Variants in SNCAIP observed in about 807,000 individuals in gnomAD.
The protein encoded by SNCAIP is synuclein alpha interacting protein.
SNCAIP carries 43 observed loss-of-function variants against 86.7 expected under a neutral mutation model. The ratio of observed to expected loss-of-function variants is 0.50; its 90% CI spans 0.39 to 0.64. The LOEUF (loss-of-function observed/expected upper bound fraction) is 0.64. Among genes scored for constraint, SNCAIP ranks in the 30% least tolerant of loss-of-function variants. The pLI is 0.00. For synonymous variants in SNCAIP, 417 were observed against 427.2 expected (o/e 0.98, Z 0.29); for missense variants, 981 against 1,103.1 (o/e 0.89, Z 1.57).
At chr5:122,369,744 T>G (rs1406441876) in intron 1 of SNCAIP, 9 of 152,178 alleles carry the variant, frequency 5.9e-5, no homozygotes, top group Admixed American at 5.9e-4. Context: ...CAGTCTTGCT[T>G]TCTGGACCTT....
At chr5:122,342,273 G>A (rs1477983095) in intron 1 of SNCAIP, among the ~76,000 whole-genome samples, 1 of 152,086 alleles carries the variant, frequency 6.6e-6, no homozygotes, top group Non-Finnish European at 1.5e-5. Flanking sequence ...GGACTGAGCT[G>A]AGCAGTTTGG....
At chr5:122,347,942 G>A (rs1292446421) in intron 1 of SNCAIP, among the ~76,000 whole-genome samples, 3 of 151,262 alleles carry the variant, frequency 2.0e-5, no homozygotes, top group African/African-American at 4.9e-5. Context: ...CCATTTTTTT[G>A]TTGGCCTTTG....
chr5:122,453,698 T>A (rs566173216), intron 10 of SNCAIP, among the ~76,000 whole-genome samples: 1 of 152,264 alleles, frequency 6.6e-6, no homozygotes, highest in Non-Finnish European at 1.5e-5. Context: ...GAAACCAGTA[T>A]GCCTTAATTG....
At chr5:122,369,894 T>C (rs925029327) in intron 1 of SNCAIP, 1 of 152,186 alleles carries the variant, frequency 6.6e-6, no homozygotes, top group African/African-American at 2.4e-5. Flanking sequence ...CAGCTGCACT[T>C]TTCCTTTTCT....
At chr5:122,374,027 C>T (rs1050588669) in intron 1 of SNCAIP, among the ~76,000 whole-genome samples, 22 of 152,232 alleles carry the variant, frequency 1.4e-4, no homozygotes, top group African/African-American at 5.3e-4. Context: ...ATGGATTGCC[C>T]AGTTGTCTTT....
Position 122,451,498 on chromosome 5 carries a change from C to A in SNCAIP, c.2651C>A (p.Ala884Asp). 6.2e-7 allele frequency: 1 copy of A among 1,613,778 alleles called. No individual in the cohort carries two copies. The highest frequency in any genetic ancestry group is 8.5e-7 in the Non-Finnish European group (1 of 1,179,958). ...AACAATAATAATAACTACCAGGCAG[C>A]CAACCAGCTGAAAACCTCTACATTG... ...NQNNNNNYQA[A>D]NQLKTSTLPL... is the part of the protein sequence containing the mutation. The change falls in exon 10 of 11, where the codon GCC (alanine) becomes GAC (aspartate). Residue 884 changes from alanine to aspartate, a missense_variant. Coordinates refer to ENST00000261368, the MANE Select transcript of SNCAIP (RefSeq NM_005460.4).
At chr5:122,434,826 T>C (rs540649569) in intron 6 of SNCAIP, among the ~76,000 whole-genome samples, 1 of 152,218 alleles carries the variant, frequency 6.6e-6, no homozygotes, top group East Asian at 1.9e-4. Flanking sequence ...ATTGAACGGT[T>C]TTCTAATGGA....
At chr5:122,451,704 GAAA>G (rs11397630) in intron 10 of SNCAIP, 103 bp downstream of exon 10, 1 of 698,554 alleles carries the variant, frequency 1.4e-6, no homozygotes, top group South Asian at 2.0e-5. Flanking sequence ...GAATCCCCAG[GAAA>G]AAAAAAAATC....
intron 1 of SNCAIP, among the ~76,000 whole-genome samples, chr5:122,383,256 T>A (rs2152821861): frequency 6.6e-6 from 1 of 152,380 alleles, no homozygotes; most frequent in East Asian, 1.9e-4. Context: ...CGCCGTTTTT[T>A]AAGCTGGTCC....
At chr5:122,411,889 A>G (rs796304356) in intron 3 of SNCAIP, among the ~76,000 whole-genome samples, 17 of 152,316 alleles carry the variant, frequency 1.1e-4, no homozygotes, top group African/African-American at 4.1e-4. Flanking sequence ...TTAGTGAGGC[A>G]CAGTGATCTT....
chr5:122,448,337 T>C (rs541638071), intron 8 of SNCAIP, among the ~76,000 whole-genome samples: 16 of 151,960 alleles, frequency 1.1e-4, no homozygotes, highest in African/African-American at 3.9e-4. Context: ...AAATTTATCT[T>C]ACAGTTCTGT....
chr5:122,409,391 CATT>C (rs1773666288), intron 3 of SNCAIP, among the ~76,000 whole-genome samples: 1 of 152,188 alleles, frequency 6.6e-6, no homozygotes. Context: ...CTGCTAAACT[CATT>C]GTATAATTTT....
At chr5:122,460,980 T>G (rs558553807) in intron 10 of SNCAIP, among the ~76,000 whole-genome samples, 5 of 152,320 alleles carry the variant, frequency 3.3e-5, no homozygotes, top group African/African-American at 1.2e-4. Flanking sequence ...AGACTCTGTT[T>G]CCTGAACCTG....
chr5:122,386,868 A>C (rs1298647329), intron 1 of SNCAIP, among the ~76,000 whole-genome samples: 1 of 152,182 alleles, frequency 6.6e-6, no homozygotes, highest in African/African-American at 2.4e-5. Context: ...TAAATAAATA[A>C]CAAATCAAGA....
intron 1 of SNCAIP, among the ~76,000 whole-genome samples, chr5:122,368,081 T>C (rs966942446): frequency 2.0e-5 from 3 of 152,136 alleles, no homozygotes; most frequent in Non-Finnish European, 4.4e-5. Flanking sequence ...GACTTTGCCA[T>C]TGCAATTAAC....
intron 1 of SNCAIP, among the ~76,000 whole-genome samples, chr5:122,323,931 T>A (rs925987765): frequency 6.6e-6 from 1 of 152,226 alleles, no homozygotes; most frequent in Admixed American, 6.5e-5. Flanking sequence ...CAACCGTTTT[T>A]AAAAATGCAA....
chr5:122,421,386 G>A (rs1418373598), intron 3 of SNCAIP, among the ~76,000 whole-genome samples: 2 of 152,160 alleles, frequency 1.3e-5, no homozygotes, highest in Non-Finnish European at 2.9e-5. Context: ...CTTGGTTCCA[G>A]AACTTCTCTG....
At chr5:122,338,270 A>G (rs1238427342) in intron 1 of SNCAIP, among the ~76,000 whole-genome samples, 3 of 152,312 alleles carry the variant, frequency 2.0e-5, no homozygotes, top group East Asian at 1.9e-4. Context: ...AAAACAGATG[A>G]TATGTTTGCC....
chr5:122,452,471 A>G (rs3828576), intron 10 of SNCAIP, among the ~76,000 whole-genome samples: 30,851 of 152,150 alleles, frequency 0.2, 3,673 homozygotes, highest in South Asian at 0.32. Context: ...CATTAGCTAT[A>G]ATGTTAGAAT....
Sources: allele counts gnomAD v4.1 joint callset (sites outside exome capture counted in the v4.1 genomes callset), GRCh38; gene constraint gnomAD v4.1.1; transcripts MANE v1.5; gene names NCBI Gene and HGNC (gene_info 2026-07-23, HGNC 2026-07-21).